CATIP: variants seen among roughly 807,000 people sequenced by gnomAD.
CATIP encodes ciliogenesis-associated TTC17-interacting protein.
CATIP carries 40 observed loss-of-function variants against 42.5 expected under a neutral mutation model. The ratio of observed to expected loss-of-function variants is 0.94; its 90% CI spans 0.73 to 1.22. The LOEUF is 1.22. Ranked by LOEUF, CATIP falls within the 50% of genes most tolerant of loss-of-function variation. The probability of loss-of-function intolerance (pLI) is 0.00; values close to 1 mark genes in which losing one functional copy is unlikely to be tolerated. For synonymous variants in CATIP, 222 were observed against 200.2 expected, an observed-to-expected ratio of 1.11 and a Z score of -0.92; for missense variants, 489 against 496.0, an observed-to-expected ratio of 0.99 and a Z score of 0.13.
chr2:218,362,842 G>A lies in CATIP; in HGVS notation c.570G>A (p.Val190=), dbSNP rs1475746128. 1.2e-6 allele frequency: 2 copies of A among 1,613,964 alleles called. No homozygotes were observed. The highest frequency in any genetic ancestry group is 8.5e-7 in the Non-Finnish European group (1 of 1,180,038). ...LLRVMAWRRM[V]PSNARFLTLD... Reference sequence around the variant, plus strand: ...GGGTGATGGCCTGGCGGCGGATGGTGCCCAGCAATGCCCGCTTCCTGACCT... The same window carrying A: ...GGGTGATGGCCTGGCGGCGGATGGTACCCAGCAATGCCCGCTTCCTGACCT... The change falls in exon 6 of 10, where the codon GTG becomes GTA. Residue 190 remains valine, a synonymous_variant. Coordinates refer to ENST00000289388, the MANE Select transcript of CATIP (RefSeq NM_198559.2).
At chr2:218,362,594 T>C in intron 5 of CATIP, 141 bp from the exon 6 acceptor site, 1 of 712,196 alleles carries the variant, frequency 1.4e-6, no homozygotes, top group Non-Finnish European at 2.3e-6. Flanking sequence ...ACCACGCCAT[T>C]GCACTCCAGC....
chr2:218,363,918 T>TTTTTG (rs998314681), intron 6 of CATIP, among the ~76,000 whole-genome samples: 1 of 152,186 alleles, frequency 6.6e-6, no homozygotes, highest in Non-Finnish European at 1.5e-5. Flanking sequence ...GGGTGTTCCG[T>TTTTTG]TTTTGTTTTG....
intron 6 of CATIP, among the ~76,000 whole-genome samples, chr2:218,363,498 C>CA (rs1363163596): frequency 0.022 from 2,337 of 108,126 alleles, 43 homozygotes; most frequent in African/African-American, 0.067. Flanking sequence ...AAAAAAAAAA[C>CA]AAAAAAAAAA....
intron 2 of CATIP, 138 bp from the exon 3 acceptor site, chr2:218,357,396 T>TGTCC: frequency 1.3e-6 from 1 of 776,862 alleles, no homozygotes; most frequent in Non-Finnish European, 2.1e-6. Flanking sequence ...AGTCTTCACC[T>TGTCC]GTCCGTGCCA....
intron 7 of CATIP, chr2:218,366,665 T>C (rs1574745504): frequency 3.0e-6 from 1 of 328,672 alleles, no homozygotes; most frequent in African/African-American, 2.2e-5. Flanking sequence ...ACAGGCTGGG[T>C]GGCTTCAAGA....
intron 5 of CATIP, among the ~76,000 whole-genome samples, chr2:218,362,379 C>T (rs1287512123): frequency 6.7e-6 from 1 of 150,326 alleles, no homozygotes. Context: ...AAGGCTCACG[C>T]CTGTAATCCC....
At chr2:218,360,450 C>T (rs1039697486) in intron 4 of CATIP, 123 bp from the exon 5 acceptor site, 13 of 729,760 alleles carry the variant, frequency 1.8e-5, no homozygotes, top group South Asian at 8.6e-5. Flanking sequence ...GTGCCCGGCC[C>T]GGCTGCTTTT....
rs1166324282 is a variant in CATIP, at chr2:218,362,735, G to A, written c.463G>A (p.Glu155Lys). 27 of 1,613,766 alleles carry A rather than the reference G, an allele frequency of 1.7e-5. No individual in the cohort carries two copies. The highest frequency in any genetic ancestry group is 2.3e-5 in the Non-Finnish European group (27 of 1,179,868). ...CCTGACCCAGATCAGTTCTGAACAGGAAGTGAAGACTGGAGTGACTTCTTT... is the reference window on the plus strand; with the variant it reads ...CCTGACCCAGATCAGTTCTGAACAGAAAGTGAAGACTGGAGTGACTTCTTT... ...AVTRSIKEGE[E>K]VKTGVTSFPW... Residue 155 changes from glutamate to lysine, a missense_variant and splice_region_variant, in exon 6 of 10, where the codon GAA (glutamate) becomes AAA (lysine). Physicochemically the swap from Glu to Lys is moderately conservative, Grantham distance 56. Coordinates refer to ENST00000289388, the MANE Select transcript of CATIP (RefSeq NM_198559.2).
intron 4 of CATIP, among the ~76,000 whole-genome samples, chr2:218,359,341 CAAAAAAA>C (rs140677940): frequency 3.8e-5 from 3 of 79,712 alleles, no homozygotes; most frequent in African/African-American, 1.0e-4. Context: ...GACTCTGTCT[CAAAAAAA>C]AAAAAAAAAA....
chr2:218,357,777 C>T, intron 3 of CATIP, 43 bp downstream of exon 3: 1 of 1,555,174 alleles, frequency 6.4e-7, no homozygotes, highest in East Asian at 2.2e-5. Context: ...TCCCCTTCCT[C>T]CAACCCTCCC....
chr2:218,362,471 T>C (rs1695270324), intron 5 of CATIP, among the ~76,000 whole-genome samples: 1 of 151,470 alleles, frequency 6.6e-6, no homozygotes, highest in Non-Finnish European at 1.5e-5. Context: ...AAATCCGGTC[T>C]CTACTAAAAT....
Position 218,364,672 on chromosome 2 carries a change from T to C in CATIP, c.675T>C (p.Ala225=), listed in dbSNP as rs1434578495. 4 of 1,614,088 alleles carry C rather than the reference T, an allele frequency of 2.5e-6. No homozygotes were observed. The South Asian group carries it at 3.3e-5, about 13-fold the overall frequency. The change falls in exon 7 of 10, where the codon GCT becomes GCC. Residue 225 remains alanine (A), a synonymous_variant. Coordinates refer to ENST00000289388, the MANE Select transcript of CATIP (RefSeq NM_198559.2). ...CCATCCAGGTAGACCATCAGCAGGC[T>C]GAAGTCTTCATCGTGGAGCAGACTG... ...FQTIQVDHQQ[A]EVFIVEQTVH...
Position 218,367,417 on chromosome 2 carries a change from G to A in CATIP, c.833-13G>A, listed in dbSNP as rs202153685. ...GGGGTAGGGACGCCCAGCCTTCCTT[G>A]TTCCCCACCTAGATGAGATTGAGCC... On this transcript the variant is annotated splice_polypyrimidine_tract_variant and intron_variant, in intron 8 of 9. Coordinates refer to ENST00000289388, the MANE Select transcript of CATIP (RefSeq NM_198559.2). 290 of 1,613,526 alleles carry A rather than the reference G, an allele frequency of 1.8e-4. 2 individuals carry two copies. The highest frequency in any genetic ancestry group is 1.0e-3 in the Admixed American group (63 of 60,010).
In CATIP at chr2:218,358,032, C is replaced by T; in HGVS notation, c.320-5C>T. On this transcript the variant is annotated splice_polypyrimidine_tract_variant and splice_region_variant and intron_variant, in intron 3 of 9. Coordinates refer to ENST00000289388, the MANE Select transcript of CATIP (RefSeq NM_198559.2). ...GACGTCAATGCCTGTGTCCCTGCAC[C>T]CCAGGCTATCTCTCAGAGAAGCTGG... 3 of 1,613,930 alleles carry T rather than the reference C, an allele frequency of 1.9e-6. No individual in the cohort carries two copies. Among genetic ancestry groups the T allele is most frequent in the Admixed American group, 1.7e-5 (1 of 60,010 alleles).
intron 6 of CATIP, 84 bp from the exon 7 acceptor site, chr2:218,364,544 G>A (rs963364444): frequency 5.8e-6 from 9 of 1,539,932 alleles, no homozygotes; most frequent in Non-Finnish European, 7.9e-6. Context: ...GTTATGAGAT[G>A]GAGAAAAGGC....
chr2:218,360,995 T>C (rs1695214021), intron 5 of CATIP, among the ~76,000 whole-genome samples: 1 of 151,308 alleles, frequency 6.6e-6, no homozygotes, highest in Non-Finnish European at 1.5e-5. Context: ...CACGCCCGGC[T>C]AATTCTGTAT....
chr2:218,359,680 A>AC (rs917466502), intron 4 of CATIP, among the ~76,000 whole-genome samples: 1 of 151,922 alleles, frequency 6.6e-6, no homozygotes, highest in African/African-American at 2.4e-5. Flanking sequence ...CACCTGGCCC[A>AC]CCCCCATCTT....
chr2:218,362,781 G>A lies in CATIP; in HGVS notation c.509G>A (p.Gly170Asp). The A allele has an allele frequency of 6.2e-7, 1 of 1,614,164 alleles. No individual in the cohort carries two copies. The highest frequency in any genetic ancestry group is 8.5e-7 in the Non-Finnish European group (1 of 1,180,026). ...TCTTTCCCCTGGAGCTCAATCAAGG[G>A]CTTCATCTCAGAGGCTGCCAACCTG... Reference protein sequence around the residue: ...VTSFPWSSIKGFISEAANLVL... With the variant: ...VTSFPWSSIKDFISEAANLVL... Residue 170 changes from glycine (G) to aspartate (D), a missense_variant, in exon 6 of 10, where the codon GGC becomes GAC. Coordinates refer to ENST00000289388, the MANE Select transcript of CATIP (RefSeq NM_198559.2).
At position 218,367,976 on chromosome 2, in the gene CATIP, G is replaced by T; in HGVS notation, c.*12G>T. ...CGGGGGCGGCCTAAGCGGGGCCCAG[G>T]CCCGGACAGGGCAGGAAACCAGGGG... On this transcript the variant is annotated 3_prime_UTR_variant, in exon 10 of 10. Transcript: ENST00000289388. 6 of 1,553,128 alleles carry T rather than the reference G, an allele frequency of 3.9e-6. No homozygotes were observed. The highest frequency in any genetic ancestry group is 2.3e-5 in the South Asian group (2 of 86,456).
Sources: gnomAD v4.1 joint callset for allele counts (sites outside exome capture counted in the v4.1 genomes callset) on GRCh38, gnomAD v4.1.1 for gene constraint, MANE v1.5 for transcripts, NCBI Gene and HGNC (gene_info 2026-07-23, HGNC 2026-07-21) for gene names.